Variants in PAXIP1 observed in about 807,000 individuals in gnomAD.
PAXIP1 encodes PAX interacting protein 1.
Under a neutral mutation model 140.6 loss-of-function variants are expected in PAXIP1, and 19 were observed. That is an observed-to-expected ratio of 0.14 (90% CI 0.09 to 0.20). The LOEUF is 0.20. Among genes scored for constraint, PAXIP1 ranks in the 10% least tolerant of loss-of-function variants. The probability of loss-of-function intolerance (pLI) is 1.00; values close to 1 mark genes in which losing one functional copy is unlikely to be tolerated. For synonymous variants in PAXIP1, 442 were observed against 444.6 expected (o/e 0.99, Z 0.07); for missense variants, 920 against 1,208.6 (o/e 0.76, Z 3.54).
intron 5 of PAXIP1, among the ~76,000 whole-genome samples, chr7:154,980,769 A>C (rs1012408569): frequency 1.3e-5 from 2 of 152,194 alleles, no homozygotes; most frequent in Non-Finnish European, 2.9e-5. Flanking sequence ...TGAGCATTAA[A>C]AAATCCTGGA....
chr7:154,985,107 T>C (rs753380755), intron 4 of PAXIP1, among the ~76,000 whole-genome samples: 1 of 152,254 alleles, frequency 6.6e-6, no homozygotes, highest in South Asian at 2.1e-4. Context: ...GCTCATTTAA[T>C]GAATCTCCAC....
At chr7:154,967,789 T>C in intron 8 of PAXIP1, 27 bp downstream of exon 8, 6 of 1,506,086 alleles carry the variant, frequency 4.0e-6, no homozygotes, top group Non-Finnish European at 3.7e-6. Flanking sequence ...TCAGACACAG[T>C]CATCCTTCCT....
At chr7:154,951,344 A>C (rs1416370497) in intron 16 of PAXIP1, 3 of 152,364 alleles carry the variant, frequency 2.0e-5, no homozygotes, top group African/African-American at 7.2e-5. Context: ...ACAGTTAATA[A>C]ACATTTCACT....
At position 154,969,132 on chromosome 7, in the gene PAXIP1, A is replaced by G; in HGVS notation, c.1075-6T>C. On this transcript the variant is annotated splice_region_variant and splice_polypyrimidine_tract_variant and intron_variant, in intron 6 of 20. Transcript: ENST00000404141. ...GCTGAAAGAGTCTGTAAGATCTACA[A>G]AACAAAAGTTAGGTGAAACATTATC... 3 of 1,456,454 alleles carry G rather than the reference A, an allele frequency of 2.1e-6. No individual in the cohort carries two copies. Among genetic ancestry groups the G allele is most frequent in the Non-Finnish European group, 2.7e-6 (3 of 1,101,982 alleles). 90.2% of individuals were successfully genotyped at this position (1,456,454 alleles called of 1,614,324 possible). A position where few individuals can be genotyped will look rare whatever the true frequency, so the allele number is the denominator to read the frequency against.
intron 12 of PAXIP1, among the ~76,000 whole-genome samples, chr7:154,960,454 T>G (rs375300594): frequency 6.6e-6 from 1 of 152,216 alleles, no homozygotes; most frequent in African/African-American, 2.4e-5. Flanking sequence ...AAAGATTAAC[T>G]GGCCTGAGAG....
rs1013721523 is a variant in PAXIP1 at position 154,943,760 on chromosome 7, T to C, written c.*389A>G. ...ATAAAAGAAAACAGAGTATAAGAAA[T>C]AAAAATAATCAAAGTACAAAACATT... On this transcript the variant is annotated 3_prime_UTR_variant, in exon 21 of 21. Coordinates refer to ENST00000404141, the MANE Select transcript of PAXIP1 (RefSeq NM_007349.4). 5.3e-6 allele frequency: 1 copy of C among 188,640 alleles called. No individual in the cohort carries two copies. The highest frequency in any genetic ancestry group is 9.6e-5 in the South Asian group (1 of 10,416). The allele number at this position is 188,640 out of a possible 1,614,324, so 11.7% of individuals were successfully genotyped here. A position where few individuals can be genotyped will look rare whatever the true frequency, so the allele number is the denominator to read the frequency against.
intron 16 of PAXIP1, among the ~76,000 whole-genome samples, chr7:154,952,502 A>G (rs1055224765): frequency 6.6e-6 from 1 of 152,238 alleles, no homozygotes; most frequent in African/African-American, 2.4e-5. Flanking sequence ...CCCTAAGTGC[A>G]AGAAGGCAGT....
At chr7:154,992,415 C>T (rs558938306) in intron 3 of PAXIP1, among the ~76,000 whole-genome samples, 2 of 152,202 alleles carry the variant, frequency 1.3e-5, no homozygotes, top group East Asian at 1.9e-4. Flanking sequence ...GGCGTGGTGG[C>T]GCATGCCTGT....
intron 12 of PAXIP1, 56 bp from the exon 13 acceptor site, chr7:154,959,989 C>T (rs1246955542): frequency 2.5e-6 from 3 of 1,185,868 alleles, no homozygotes; most frequent in Non-Finnish European, 3.8e-6. Context: ...AATAAAAAGG[C>T]CTTTTTATAA....
At chr7:154,962,204 C>T in intron 10 of PAXIP1, 117 bp downstream of exon 10, 2 of 1,071,834 alleles carry the variant, frequency 1.9e-6, no homozygotes, top group Admixed American at 2.2e-5. Context: ...GGCAAAAGTA[C>T]ATAGAGAAGC....
At chr7:154,958,419 T>C (rs539542022) in intron 13 of PAXIP1, among the ~76,000 whole-genome samples, 1 of 152,360 alleles carries the variant, frequency 6.6e-6, no homozygotes, top group African/African-American at 2.4e-5. Context: ...TTACTTCAAC[T>C]ACAACTTATT....
At chr7:154,966,249 C>T (rs1166759026) in intron 8 of PAXIP1, among the ~76,000 whole-genome samples, 2 of 152,178 alleles carry the variant, frequency 1.3e-5, no homozygotes, top group African/African-American at 2.4e-5. Flanking sequence ...TGCTGGCCCC[C>T]GCGCACTGCA....
intron 1 of PAXIP1, among the ~76,000 whole-genome samples, chr7:155,002,364 G>A (rs984744671): frequency 2.0e-5 from 3 of 152,220 alleles, no homozygotes; most frequent in African/African-American, 7.2e-5. Context: ...CGGCCAAGCC[G>A]GTGCACGGCC....
At position 154,961,653 on chromosome 7, in the gene PAXIP1, GA is replaced by G; in HGVS notation, c.2128-6del. ...AAATCCAGTCACAGAAATAATCTAA[GA>G]AAAAAAGAGAAAATAAGGTAAACAC... On this transcript the variant is annotated splice_polypyrimidine_tract_variant and splice_region_variant and intron_variant, in intron 10 of 20. Transcript: ENST00000404141. 7 of 1,568,708 alleles carry G rather than the reference GA, an allele frequency of 4.5e-6. No individual in the cohort carries two copies. Among genetic ancestry groups the G allele is most frequent in the Non-Finnish European group, 6.0e-6 (7 of 1,159,290 alleles).
chr7:154,966,531 A>G (rs1272970139), intron 8 of PAXIP1, among the ~76,000 whole-genome samples: 1 of 152,240 alleles, frequency 6.6e-6, no homozygotes, highest in Non-Finnish European at 1.5e-5. Context: ...ACTTGAAAAC[A>G]AGACAAAAAC....
chr7:154,985,321 C>T (rs1429845098), intron 4 of PAXIP1, among the ~76,000 whole-genome samples: 1 of 152,088 alleles, frequency 6.6e-6, no homozygotes, highest in Non-Finnish European at 1.5e-5. Context: ...ATCATGTTGG[C>T]TAATAATGTC....
chr7:154,944,394 G>A lies in PAXIP1; in HGVS notation c.3195-230C>T, dbSNP rs191903571. On this transcript the variant is annotated intron_variant, in intron 20 of 20. Coordinates refer to ENST00000404141, the MANE Select transcript of PAXIP1 (RefSeq NM_007349.4). ...GGACATCAGCACCTGTGCCAGCTCC[G>A]CAAGGTATCCACCATGCGGCCAGAA... The A allele has an allele frequency of 1.6e-4, 66 of 412,544 alleles. No homozygotes were observed. In the East Asian group the frequency reaches 1.9e-3, roughly 12 times the overall value. 25.6% of individuals were successfully genotyped at this position (412,544 alleles called of 1,614,324 possible).
At chr7:154,976,623 G>C (rs1376725335) in intron 5 of PAXIP1, among the ~76,000 whole-genome samples, 3 of 152,208 alleles carry the variant, frequency 2.0e-5, no homozygotes, top group African/African-American at 7.2e-5. Flanking sequence ...TACAAAAGTA[G>C]AGCTAGTAAT....
Position 154,948,963 on chromosome 7 carries a change from T to C in PAXIP1, c.2822-960A>G, listed in dbSNP as rs968714997. ...AAGACTTCTGACAATTATTAATAAT[T>C]GACAGATTTTCAGTTTTCATAGCAA... On this transcript the variant is annotated intron_variant, in intron 16 of 20. Transcript: ENST00000404141. 2.0e-5 allele frequency: 3 copies of C among 152,006 alleles called. No homozygotes were observed. In the East Asian group the frequency reaches 5.8e-4, roughly 29 times the overall value. The allele number at this position is 152,006 out of a possible 1,614,324, so 9.4% of individuals were successfully genotyped here. A position where few individuals can be genotyped will look rare whatever the true frequency, so the allele number is the denominator to read the frequency against.
Sources: allele counts gnomAD v4.1 joint callset (sites outside exome capture counted in the v4.1 genomes callset), GRCh38; gene constraint gnomAD v4.1.1; transcripts MANE v1.5; gene names NCBI Gene and HGNC (gene_info 2026-07-23, HGNC 2026-07-21).